Variants in MVB12B observed in about 807,000 individuals in gnomAD.
MVB12B encodes the protein multivesicular body subunit 12B, also known as ESCRT-I complex subunit MVB12B.
In MVB12B, 16 loss-of-function variants were observed where a neutral mutation model predicts 41.6. The ratio of observed to expected loss-of-function variants is 0.38; its 90% CI spans 0.26 to 0.58. The LOEUF (loss-of-function observed/expected upper bound fraction) is 0.58, where lower values mean the gene tolerates loss of function less well. Ranked by LOEUF, MVB12B falls within the 20% of genes least tolerant of loss-of-function variation. The probability of loss-of-function intolerance (pLI) is 0.62; values close to 1 mark genes in which losing one functional copy is unlikely to be tolerated. For missense variants in MVB12B, 274 were observed against 380.2 expected (o/e 0.72, Z 2.32); for synonymous variants, 133 against 139.7 (o/e 0.95, Z 0.34).
rs1020738167 is a variant in MVB12B at position 126,389,424 on chromosome 9, G to T, written c.410-2642G>T. Among the ~76,000 whole-genome samples the T allele has an allele frequency of 1.3e-5, 2 of 152,188 alleles. No homozygotes were observed. The highest frequency in any genetic ancestry group is 2.9e-5 in the Non-Finnish European group (2 of 68,040). On this transcript the variant is annotated intron_variant, in intron 4 of 9. Coordinates refer to ENST00000361171, the MANE Select transcript of MVB12B (RefSeq NM_033446.3). The surrounding 1 kb of genome is among the most constrained non-coding windows in gnomAD (Gnocchi z 4.4). ...TCCATATAGCACTGAAAAACTGGAA[G>T]ATGTTTGTTTTAGTAAAGTGCTGTG...
chr9:126,420,136 T>C (rs1831962306), intron 6 of MVB12B, among the ~76,000 whole-genome samples: 1 of 152,224 alleles, frequency 6.6e-6, no homozygotes, highest in South Asian at 2.1e-4. Context: ...TATTGTTCCT[T>C]CTTTTCATGC....
intron 6 of MVB12B, among the ~76,000 whole-genome samples, chr9:126,416,560 AC>A (rs1339715870): frequency 6.6e-6 from 1 of 152,098 alleles, no homozygotes; most frequent in Non-Finnish European, 1.5e-5. Context: ...TTCAGGAGGG[AC>A]CCTGTGGCCC....
Position 126,505,801 on chromosome 9 carries a change from GGA to G in MVB12B, c.*2542_*2543del, listed in dbSNP as rs1174074918. On this transcript the variant is annotated 3_prime_UTR_variant, in exon 10 of 10. Coordinates refer to ENST00000361171, the MANE Select transcript of MVB12B (RefSeq NM_033446.3). ...GAATTGAGAGCGTTTCTGTCTTTTG[GGA>G]GAGTACTTTTCTCCACGAGCCCTCT... 2 of 152,116 alleles carry G rather than the reference GGA, an allele frequency of 1.3e-5. No individual in the cohort carries two copies. Among genetic ancestry groups the G allele is most frequent in the East Asian group, 3.9e-4 (2 of 5,162 alleles). The allele number at this position is 152,116 out of a possible 1,614,324, so 9.4% of individuals were successfully genotyped here.
At chr9:126,385,893 A>G (rs1389171342) in intron 3 of MVB12B, among the ~76,000 whole-genome samples, 1 of 152,216 alleles carries the variant, frequency 6.6e-6, no homozygotes, top group East Asian at 1.9e-4. Flanking sequence ...CAATTACAGA[A>G]TGGTGTACTG....
At chr9:126,454,677 A>G (rs58349688) in intron 7 of MVB12B, among the ~76,000 whole-genome samples, 15,994 of 152,292 alleles carry the variant, frequency 0.11, 923 homozygotes, top group Non-Finnish European at 0.12. Flanking sequence ...GTGAGATGGA[A>G]GTGAATGTTT....
intron 2 of MVB12B, among the ~76,000 whole-genome samples, chr9:126,343,347 G>A (rs575044336): frequency 3.2e-4 from 49 of 152,338 alleles, no homozygotes; most frequent in Admixed American, 6.5e-4. Flanking sequence ...CGTGCCCGGA[G>A]TAGTGACTAT....
chr9:126,331,834 A>G (rs967056869), intron 1 of MVB12B, among the ~76,000 whole-genome samples: 17 of 152,142 alleles, frequency 1.1e-4, no homozygotes, highest in Admixed American at 1.1e-3. Context: ...AGGAGGCCCC[A>G]TGGGGGTCTG....
At chr9:126,358,443 A>G (rs905911313) in intron 2 of MVB12B, among the ~76,000 whole-genome samples, 5 of 152,064 alleles carry the variant, frequency 3.3e-5, no homozygotes, top group Non-Finnish European at 7.4e-5. Flanking sequence ...AGATCCATGG[A>G]TGTGGTACAT....
intron 9 of MVB12B, among the ~76,000 whole-genome samples, chr9:126,500,985 G>A (rs1234544558): frequency 6.6e-6 from 1 of 152,242 alleles, no homozygotes; most frequent in Non-Finnish European, 1.5e-5. Flanking sequence ...CAGGGCGGAT[G>A]TCAGTGAGGG....
intron 7 of MVB12B, among the ~76,000 whole-genome samples, chr9:126,427,503 C>G (rs1832214821): frequency 6.6e-6 from 1 of 152,130 alleles, no homozygotes; most frequent in Non-Finnish European, 1.5e-5. Flanking sequence ...TTTTGCTTAA[C>G]AAACGGGACT....
intron 9 of MVB12B, among the ~76,000 whole-genome samples, chr9:126,502,213 C>A (rs986410404): frequency 2.9e-4 from 44 of 152,188 alleles, no homozygotes; most frequent in African/African-American, 1.1e-3. Context: ...CCAGGCCATT[C>A]CCCATACCCC....
At chr9:126,418,644 T>C (rs1257708533) in intron 6 of MVB12B, among the ~76,000 whole-genome samples, 1 of 152,214 alleles carries the variant, frequency 6.6e-6, no homozygotes, top group East Asian at 1.9e-4. Context: ...GAACCCATGC[T>C]GGGCTCCACG....
chr9:126,372,321 G>A (rs1830363370), intron 2 of MVB12B, among the ~76,000 whole-genome samples: 1 of 152,176 alleles, frequency 6.6e-6, no homozygotes. Flanking sequence ...AAGAAAACAT[G>A]CTGTCATGAA....
At chr9:126,454,644 C>G (rs1172962076) in intron 7 of MVB12B, among the ~76,000 whole-genome samples, 1 of 152,124 alleles carries the variant, frequency 6.6e-6, no homozygotes, top group Non-Finnish European at 1.5e-5. Context: ...TGGCTTTAGC[C>G]CCATAAAGAC....
intron 6 of MVB12B, among the ~76,000 whole-genome samples, chr9:126,421,108 T>C (rs1588158977): frequency 6.6e-6 from 1 of 152,362 alleles, no homozygotes; most frequent in East Asian, 1.9e-4. Context: ...AATTTTTCTT[T>C]TCAGCATTCA....
chr9:126,503,239 G>T lies in MVB12B; in HGVS notation c.936G>T (p.Arg312Ser). 6.4e-7 allele frequency: 1 copy of T among 1,550,432 alleles called. No homozygotes were observed. Among genetic ancestry groups the T allele is most frequent in the Non-Finnish European group, 8.7e-7 (1 of 1,146,918 alleles). Residue 312 changes from arginine (R) to serine (S), a missense_variant, in exon 10 of 10, where the codon AGG becomes AGT. Physicochemically the swap from Arg to Ser is moderately radical, Grantham distance 110. Transcript: ENST00000361171. The stretch of plus-strand genomic sequence containing the variant: ...CCAGGCTCCCGCCCAGCCCCACCAG[G>T]TGTCAGCAGATCCCGCAGTCCTGAG... ...AAARLPPSPT[R>S]CQQIPQS
chr9:126,355,312 G>A (rs558614058), intron 2 of MVB12B, among the ~76,000 whole-genome samples: 100 of 152,310 alleles, frequency 6.6e-4, no homozygotes, highest in African/African-American at 2.3e-3. Context: ...AGGGGTCTGC[G>A]GAAATGCTGG....
intron 2 of MVB12B, among the ~76,000 whole-genome samples, chr9:126,347,577 G>T (rs1053390567): frequency 6.6e-6 from 1 of 152,196 alleles, no homozygotes; most frequent in Non-Finnish European, 1.5e-5. Flanking sequence ...AGTGGGCTGG[G>T]TATAGGGAAC....
intron 9 of MVB12B, among the ~76,000 whole-genome samples, chr9:126,502,108 A>C (rs139796610): frequency 4.7e-4 from 72 of 152,332 alleles, no homozygotes; most frequent in African/African-American, 1.7e-3. Flanking sequence ...AAAACTTTTC[A>C]AATAAATACT....
Sources: allele counts gnomAD v4.1 joint callset (sites outside exome capture counted in the v4.1 genomes callset), GRCh38; gene constraint gnomAD v4.1.1; non-coding constraint Gnocchi (gnomAD v3.1); transcripts MANE v1.5; gene names NCBI Gene and HGNC (gene_info 2026-07-23, HGNC 2026-07-21).